The following PPP2R5D variants were observed in gnomAD, a reference collection of about 807,000 sequenced individuals.
PPP2R5D encodes protein phosphatase 2 regulatory subunit B'delta.
PPP2R5D carries 12 observed loss-of-function variants against 79.1 expected under a neutral mutation model. The ratio of observed to expected loss-of-function variants is 0.15; its 90% CI spans 0.10 to 0.25. PPP2R5D has a LOEUF of 0.25. Among genes scored for constraint, PPP2R5D ranks in the 10% least tolerant of loss-of-function variants. PPP2R5D has a pLI of 1.00. For synonymous variants in PPP2R5D, 277 were observed against 286.6 expected (o/e 0.97, Z 0.34); for missense variants, 419 against 760.2 (o/e 0.55, Z 5.28).
At position 43,008,843 on chromosome 6, in the gene PPP2R5D, G is replaced by A; in HGVS notation, c.1080+97G>A. On this transcript the variant is annotated intron_variant, in intron 10 of 15. Transcript: ENST00000485511. This position sits in a 1 kb window ranked among gnomAD's most constrained non-coding sequence, Gnocchi z 4.2. ...GGTGCCATAAGGGGGAACTCAGGAG[G>A]GCTGTGACCTGACCGGTAACATGGT... 1 of 1,397,918 alleles carries A rather than the reference G, an allele frequency of 7.2e-7. No individual in the cohort carries two copies. Among genetic ancestry groups the A allele is most frequent in the Non-Finnish European group, 1.0e-6 (1 of 1,001,218 alleles). 86.6% of individuals were successfully genotyped at this position (1,397,918 alleles called of 1,614,324 possible).
intron 2 of PPP2R5D, among the ~76,000 whole-genome samples, chr6:43,000,324 G>A (rs1187682520): frequency 1.4e-5 from 2 of 144,298 alleles, no homozygotes; most frequent in Admixed American, 1.4e-4. Context: ...TGCATCCTCT[G>A]CCTCCTGGGT....
In PPP2R5D at chr6:43,011,234, A is replaced by T; in HGVS notation, c.1757A>T (p.Glu586Val). The T allele has an allele frequency of 1.2e-6, 2 of 1,614,096 alleles. No homozygotes were observed. The highest frequency in any genetic ancestry group is 1.7e-6 in the Non-Finnish European group (2 of 1,180,006). ...GACGTGTACACCATCAAGGCACTGGAGGCGCACAAGCGGGCGGAAGAGTTC... is the reference window on the plus strand; with the variant it reads ...GACGTGTACACCATCAAGGCACTGGTGGCGCACAAGCGGGCGGAAGAGTTC... The part of the protein sequence containing the change: ...PQDVYTIKAL[E>V]AHKRAEEFLT... The change falls in exon 16 of 16, where the codon GAG (glutamate) becomes GTG (valine). Residue 586 changes from glutamate to valine, a missense_variant. This residue lies in a region of PPP2R5D where 84 missense variants were observed against 105.4 expected (regional missense o/e 0.80). Coordinates refer to ENST00000485511, the MANE Select transcript of PPP2R5D (RefSeq NM_006245.4).
At position 43,011,518 on chromosome 6, in the gene PPP2R5D, T is replaced by C. The variant is rs1482710236; in HGVS notation, c.*232T>C. 5.2e-6 allele frequency: 3 copies of C among 581,444 alleles called. No individual in the cohort carries two copies. Among genetic ancestry groups the C allele is most frequent in the Admixed American group, 3.2e-5 (1 of 31,648 alleles). 36.0% of individuals were successfully genotyped at this position (581,444 alleles called of 1,614,324 possible). A position where few individuals can be genotyped will look rare whatever the true frequency, so the allele number is the denominator to read the frequency against. On this transcript the variant is annotated 3_prime_UTR_variant, in exon 16 of 16. Transcript: ENST00000485511. The stretch of plus-strand genomic sequence containing the variant: ...AGTACAGGCTGAGCACTAAGATGCT[T>C]AGTGCTCAGACAACCTGGGGATGCC...
rs1422741944 is a variant in PPP2R5D at position 43,006,929 on chromosome 6, G to A, written c.341G>A (p.Arg114Gln). ...CCCACAGATTCGCCAACCCAGGAGC[G>A]GGAGGAGCTGTTTATCCAGAAGCTA... ...PALKDSPTQE[R>Q]EELFIQKLRQ... Residue 114 changes from arginine (R) to glutamine (Q), a missense_variant, in exon 4 of 16, where the codon CGG becomes CAG. By Grantham distance (43) the Arg-to-Gln change is conservative (BLOSUM62 1). This residue lies in a region of PPP2R5D where 110 missense variants were observed against 147.6 expected (regional missense o/e 0.75). Coordinates refer to ENST00000485511, the MANE Select transcript of PPP2R5D (RefSeq NM_006245.4). This position sits in a 1 kb window ranked among gnomAD's most constrained non-coding sequence, Gnocchi z 4.7. 2.5e-6 allele frequency: 4 copies of A among 1,613,976 alleles called. No homozygotes were observed. The highest frequency in any genetic ancestry group is 2.5e-6 in the Non-Finnish European group (3 of 1,180,006).
At chr6:42,996,275 T>C (rs1771678511) in intron 2 of PPP2R5D, among the ~76,000 whole-genome samples, 1 of 149,532 alleles carries the variant, frequency 6.7e-6, no homozygotes, top group Non-Finnish European at 1.5e-5. Context: ...CCATCCTGGC[T>C]AACATGGTGA....
chr6:42,992,179 C>T (rs560404873), intron 2 of PPP2R5D, among the ~76,000 whole-genome samples: 104 of 152,322 alleles, frequency 6.8e-4, no homozygotes, highest in African/African-American at 2.3e-3. Flanking sequence ...CCTGCCTCAG[C>T]CTCCCGAGTA....
At chr6:43,003,431 TAAATA>T (rs891936050) in intron 2 of PPP2R5D, among the ~76,000 whole-genome samples, 2 of 151,734 alleles carry the variant, frequency 1.3e-5, no homozygotes, top group South Asian at 2.1e-4. Flanking sequence ...CAAAAATAAA[TAAATA>T]AAATAAAAAT....
At position 43,008,784 on chromosome 6, in the gene PPP2R5D, T is replaced by C. The variant is rs1189993827; in HGVS notation, c.1080+38T>C. ...CCGGGCCCCAAGGCCCACCTCTTAC[T>C]GTCAGCATCACTTGCCAGTCTGTAC... On this transcript the variant is annotated intron_variant, in intron 10 of 15. Transcript: ENST00000485511. The surrounding 1 kb of genome is among the most constrained non-coding windows in gnomAD (Gnocchi z 4.2). 2 of 1,593,746 alleles carry C rather than the reference T, an allele frequency of 1.3e-6. No individual in the cohort carries two copies. Among genetic ancestry groups the C allele is most frequent in the Non-Finnish European group, 1.7e-6 (2 of 1,162,426 alleles).
intron 1 of PPP2R5D, among the ~76,000 whole-genome samples, chr6:42,985,221 C>G (rs894154124): frequency 1.3e-5 from 2 of 152,224 alleles, no homozygotes; most frequent in South Asian, 4.1e-4. Flanking sequence ...TAGAACAGCG[C>G]TGCTTTCTCT....
intron 2 of PPP2R5D, among the ~76,000 whole-genome samples, chr6:43,004,797 C>A (rs1298371111): frequency 6.7e-6 from 1 of 149,858 alleles, no homozygotes; most frequent in Admixed American, 6.7e-5. Flanking sequence ...ACTCTGTCAT[C>A]CAGGCTGGAG....
chr6:42,986,543 C>T (rs560561707), intron 1 of PPP2R5D, among the ~76,000 whole-genome samples: 1 of 152,132 alleles, frequency 6.6e-6, no homozygotes, highest in South Asian at 2.1e-4. Flanking sequence ...GATAGTGAGC[C>T]TCCTGGGAGT....
chr6:42,985,305 A>G (rs1770753459), intron 1 of PPP2R5D, among the ~76,000 whole-genome samples: 1 of 152,160 alleles, frequency 6.6e-6, no homozygotes, highest in Admixed American at 6.5e-5. Flanking sequence ...AGCAGGACTG[A>G]GCCCTTCTGT....
At position 43,008,228 on chromosome 6, in the gene PPP2R5D, C is replaced by T. The variant is rs768102492; in HGVS notation, c.885C>T (p.Asn295=). 225 of 1,614,012 alleles carry T rather than the reference C, an allele frequency of 1.4e-4. No homozygotes were observed. The highest frequency in any genetic ancestry group is 1.4e-4 in the Non-Finnish European group (166 of 1,180,036). ...YRFIYETEHH[N]GIAELLEILG... is the part of the protein sequence containing the mutation. ...TCATCTACGAGACGGAGCATCACAA[C>T]GGGATTGCTGAGCTCCTGGAGATCC... is the stretch of plus-strand genomic sequence containing the variant. The change falls in exon 8 of 16, where the codon AAC becomes AAT. Residue 295 remains asparagine (N), a synonymous_variant. Transcript: ENST00000485511. The surrounding 1 kb of genome is among the most constrained non-coding windows in gnomAD (Gnocchi z 4.2).
rs897573553 is a variant in PPP2R5D at position 43,012,220 on chromosome 6, G to A, written c.*934G>A. Reference sequence around the variant, plus strand: ...GACCCAGGTTCCAGGGGCGCAGGCAGTGCGGCTTTTGGCTGTGTACATAGG... The same window carrying A: ...GACCCAGGTTCCAGGGGCGCAGGCAATGCGGCTTTTGGCTGTGTACATAGG... On this transcript the variant is annotated 3_prime_UTR_variant, in exon 16 of 16. Coordinates refer to ENST00000485511, the MANE Select transcript of PPP2R5D (RefSeq NM_006245.4). 1 of 1,195,928 alleles carries A rather than the reference G, an allele frequency of 8.4e-7. No individual in the cohort carries two copies. The highest frequency in any genetic ancestry group is 1.0e-6 in the Non-Finnish European group (1 of 963,564). The allele number at this position is 1,195,928 out of a possible 1,614,324, so 74.1% of individuals were successfully genotyped here. A position where few individuals can be genotyped will look rare whatever the true frequency, so the allele number is the denominator to read the frequency against.
chr6:42,986,262 TC>T (rs1313145634), intron 1 of PPP2R5D, among the ~76,000 whole-genome samples: 1 of 152,140 alleles, frequency 6.6e-6, no homozygotes, highest in East Asian at 1.9e-4. Context: ...AGTTCCAGCC[TC>T]CCCCAGCTTC....
intron 1 of PPP2R5D, among the ~76,000 whole-genome samples, chr6:42,988,917 G>T (rs910647683): frequency 3.3e-5 from 5 of 152,328 alleles, no homozygotes; most frequent in Middle Eastern, 3.4e-3. Flanking sequence ...AAGAGATGCT[G>T]GGCAGGCCAG....
Position 43,009,944 on chromosome 6 carries a change from C to T in PPP2R5D, c.1379+495C>T, listed in dbSNP as rs1188144814. On this transcript the variant is annotated intron_variant, in intron 12 of 15. Transcript: ENST00000485511. This position sits in a 1 kb window ranked among gnomAD's most constrained non-coding sequence, Gnocchi z 5.6. Reference sequence around the variant, plus strand: ...ATTAGCTGGGTGTAGTGGTGGATGCCTGTAGTCCCAGCTACTTGGGAGGCT... The same window carrying T: ...ATTAGCTGGGTGTAGTGGTGGATGCTTGTAGTCCCAGCTACTTGGGAGGCT... Among the ~76,000 whole-genome samples, 3 of 152,120 alleles carry T rather than the reference C, an allele frequency of 2.0e-5. No homozygotes were observed. The highest frequency in any genetic ancestry group is 2.9e-5 in the Non-Finnish European group (2 of 68,030).
At position 42,984,596 on chromosome 6, in the gene PPP2R5D, C is replaced by T; in HGVS notation, c.-82C>T. On this transcript the variant is annotated 5_prime_UTR_variant, in exon 1 of 16. The change creates a new upstream start codon in the 5' untranslated region. Transcript: ENST00000485511. ...CAGCGCGCAGGCGGTGGCGAAGAGA[C>T]GCCGAGCGGGCCGAGTGCGGCCGAG... The T allele has an allele frequency of 3.3e-6, 5 of 1,503,860 alleles. No individual in the cohort carries two copies. Among genetic ancestry groups the T allele is most frequent in the Non-Finnish European group, 4.4e-6 (5 of 1,127,236 alleles). The allele number at this position is 1,503,860 out of a possible 1,614,324, so 93.2% of individuals were successfully genotyped here. A position where few individuals can be genotyped will look rare whatever the true frequency, so the allele number is the denominator to read the frequency against.
chr6:42,999,035 A>AAAAT (rs1237789922), intron 2 of PPP2R5D, among the ~76,000 whole-genome samples: 1 of 152,178 alleles, frequency 6.6e-6, no homozygotes, highest in Non-Finnish European at 1.5e-5. Context: ...ACCCTGTCTC[A>AAAAT]AAATAAATAA....
Sources: allele counts gnomAD v4.1 joint callset (sites outside exome capture counted in the v4.1 genomes callset), GRCh38; gene constraint gnomAD v4.1.1; regional missense constraint gnomAD v4.1.1; non-coding constraint Gnocchi (gnomAD v3.1); transcripts MANE v1.5; gene names NCBI Gene and HGNC (gene_info 2026-07-23, HGNC 2026-07-21).